The following ABLIM3 variants were observed in gnomAD, a reference collection of about 807,000 sequenced individuals.
ABLIM3 encodes actin binding LIM protein family member 3, also known as actin-binding LIM protein 3.
In ABLIM3, 61 loss-of-function variants were observed where a neutral mutation model predicts 109.5. That is an observed-to-expected ratio of 0.56 (90% CI 0.45 to 0.69). The LOEUF is 0.69. Ranked by LOEUF, ABLIM3 falls within the 30% of genes least tolerant of loss-of-function variation. The probability of loss-of-function intolerance (pLI) is 0.00; values close to 1 mark genes in which losing one functional copy is unlikely to be tolerated. For missense variants in ABLIM3, 796 were observed against 889.5 expected, an observed-to-expected ratio of 0.89 and a Z score of 1.34; for synonymous variants, 300 against 324.8, an observed-to-expected ratio of 0.92 and a Z score of 0.82.
At chr5:149,216,411 T>G (rs1265119936) in intron 7 of ABLIM3, 1 of 152,526 alleles carries the variant, frequency 6.6e-6, no homozygotes, top group East Asian at 1.9e-4. Context: ...CTGTTCTCAT[T>G]CTTTAAAAGG....
At chr5:149,217,907 G>A (rs1445112020) in intron 8 of ABLIM3, 1 of 152,008 alleles carries the variant, frequency 6.6e-6, no homozygotes, top group Admixed American at 6.5e-5. Context: ...TCCATGGTGA[G>A]GCTCACCCAG....
At chr5:149,207,818 G>A (rs547528000) in intron 6 of ABLIM3, among the ~76,000 whole-genome samples, 5 of 152,358 alleles carry the variant, frequency 3.3e-5, no homozygotes, top group African/African-American at 1.2e-4. Flanking sequence ...GGTGATGGGT[G>A]CATAGTTATC....
At chr5:149,157,625 C>T (rs1056041623) in intron 2 of ABLIM3, among the ~76,000 whole-genome samples, 1 of 149,914 alleles carries the variant, frequency 6.7e-6, no homozygotes, top group African/African-American at 2.5e-5. Context: ...CCAAGACAGG[C>T]CAATCAGAGT....
At chr5:149,217,189 G>A in intron 8 of ABLIM3, 143 bp downstream of exon 8, 1 of 765,510 alleles carries the variant, frequency 1.3e-6, no homozygotes, top group Non-Finnish European at 2.2e-6. Context: ...CAATTAATTG[G>A]CCCCTCTCTG....
rs1315653426 is a variant in ABLIM3 at position 149,236,521 on chromosome 5, G to A, written c.889-927G>A. On this transcript the variant is annotated intron_variant, in intron 10 of 23. Coordinates refer to ENST00000309868, the MANE Select transcript of ABLIM3 (RefSeq NM_014945.5). ...GGGAACAGCTGGAGGACATGGCCGTGGAAAAGGCATGGCTTCAGGGGCCAT... is the reference window on the plus strand; with the variant it reads ...GGGAACAGCTGGAGGACATGGCCGTAGAAAAGGCATGGCTTCAGGGGCCAT... 2.6e-5 allele frequency among the ~76,000 whole-genome samples: 4 copies of A among 152,084 alleles called. 1 individual carries two copies. The highest frequency in any genetic ancestry group is 5.9e-5 in the Non-Finnish European group (4 of 68,026).
At chr5:149,209,858 T>C (rs1438992839) in intron 6 of ABLIM3, among the ~76,000 whole-genome samples, 1 of 152,226 alleles carries the variant, frequency 6.6e-6, no homozygotes, top group Non-Finnish European at 1.5e-5. Context: ...AGGAAAATGC[T>C]GCCCAGGGTG....
At chr5:149,148,674 T>A (rs1477686316) in intron 2 of ABLIM3, among the ~76,000 whole-genome samples, 1 of 152,176 alleles carries the variant, frequency 6.6e-6, no homozygotes, top group Non-Finnish European at 1.5e-5. Context: ...GAAAGGAAAC[T>A]CCTCAGCAAG....
Position 149,198,389 on chromosome 5 carries a change from T to A in ABLIM3, c.322T>A (p.Cys108Ser). Residue 108 changes from cysteine (C) to serine (S), a missense_variant, in exon 4 of 24, where the codon TGC becomes AGC. Physicochemically the swap from Cys to Ser is moderately radical, Grantham distance 112. Transcript: ENST00000309868. This position sits in a 1 kb window ranked among gnomAD's most constrained non-coding sequence, Gnocchi z 4.2. ...CACTTACCACCCCAAGTGCTTCGTG[T>A]GCAGCTTGTGCAGGTGAGTGGGCGA... is the stretch of plus-strand genomic sequence containing the variant. ...GRTYHPKCFVCSLCRKPFPIG... is the reference protein window; with the variant it reads ...GRTYHPKCFVSSLCRKPFPIG... The A allele has an allele frequency of 1.2e-6, 2 of 1,610,376 alleles. No homozygotes were observed. Among genetic ancestry groups the A allele is most frequent in the Non-Finnish European group, 1.7e-6 (2 of 1,178,094 alleles).
chr5:149,210,482 G>A (rs994031875), intron 6 of ABLIM3, among the ~76,000 whole-genome samples: 10 of 152,194 alleles, frequency 6.6e-5, no homozygotes, highest in African/African-American at 1.2e-4. Context: ...ATCACTGTCC[G>A]CCAAGTGATA....
At chr5:149,206,058 C>T (rs1245056619) in intron 5 of ABLIM3, among the ~76,000 whole-genome samples, 1 of 152,242 alleles carries the variant, frequency 6.6e-6, no homozygotes, top group Admixed American at 6.5e-5. Flanking sequence ...CTCTGGTCAA[C>T]TTTGCCCCAT....
Position 149,237,551 on chromosome 5 carries a change from C to T in ABLIM3, c.992C>T (p.Pro331Leu), listed in dbSNP as rs368112588. The part of the protein sequence containing the change: ...VQRPDLISYE[P>L]HSRYMSDEML... Reference sequence around the variant, plus strand: ...CGCCCCGACCTCATTTCCTATGAGCCTCATTCCAGATACATGTCCGACGAG... The same window carrying T: ...CGCCCCGACCTCATTTCCTATGAGCTTCATTCCAGATACATGTCCGACGAG... Residue 331 changes from proline to leucine, a missense_variant, in exon 11 of 24, where the codon CCT becomes CTT. Pro to Leu is a moderately conservative substitution (Grantham distance 98). Coordinates refer to ENST00000309868, the MANE Select transcript of ABLIM3 (RefSeq NM_014945.5). 5.6e-6 allele frequency: 9 copies of T among 1,614,196 alleles called. No individual in the cohort carries two copies. Among genetic ancestry groups the T allele is most frequent in the Non-Finnish European group, 7.6e-6 (9 of 1,180,044 alleles).
chr5:149,158,964 G>C (rs1754084459), intron 2 of ABLIM3, among the ~76,000 whole-genome samples: 1 of 152,126 alleles, frequency 6.6e-6, no homozygotes, highest in Non-Finnish European at 1.5e-5. Flanking sequence ...ATGGAAAACT[G>C]ATACAGTTTT....
At chr5:149,159,240 C>T (rs1370921516) in intron 2 of ABLIM3, among the ~76,000 whole-genome samples, 2 of 152,148 alleles carry the variant, frequency 1.3e-5, no homozygotes, top group African/African-American at 4.8e-5. Context: ...ATGAATGAAT[C>T]TCAGAAACAT....
chr5:149,252,230 TG>T lies in ABLIM3; in HGVS notation c.1857+27del, dbSNP rs756212555. On this transcript the variant is annotated intron_variant, in intron 22 of 23. Coordinates refer to ENST00000309868, the MANE Select transcript of ABLIM3 (RefSeq NM_014945.5). ...CAAGGTAAAGGATGTGCATAGACCC[TG>T]GGGGTCTCCAGGATTCTTGGAGCCG... 21 of 1,611,638 alleles carry T rather than the reference TG, an allele frequency of 1.3e-5. No individual in the cohort carries two copies. The Admixed American group carries it at 3.4e-4, about 26-fold the overall frequency.
chr5:149,239,341 A>G, intron 12 of ABLIM3, 64 bp downstream of exon 12: 1 of 1,555,862 alleles, frequency 6.4e-7, no homozygotes, highest in East Asian at 2.2e-5. Flanking sequence ...GACTTCACCC[A>G]TCCCCAGCCC....
At chr5:149,258,190 C>T in intron 23 of ABLIM3, 101 bp from the exon 24 acceptor site, 1 of 982,188 alleles carries the variant, frequency 1.0e-6, no homozygotes, top group South Asian at 1.6e-5. Context: ...CCAGAGGGAA[C>T]ATGCAGCACC....
At position 149,225,918 on chromosome 5, in the gene ABLIM3, TATATAC is replaced by T. The variant is rs1463284100; in HGVS notation, c.758-4725_758-4720del. 2.2e-3 allele frequency among the ~76,000 whole-genome samples: 94 copies of T among 43,564 alleles called. 1 individual carries two copies. The highest frequency in any genetic ancestry group is 5.6e-3 in the East Asian group (4 of 720). 28.6% of individuals were successfully genotyped at this position (43,564 alleles called of 152,430 possible). A position where few individuals can be genotyped will look rare whatever the true frequency, so the allele number is the denominator to read the frequency against. On this transcript the variant is annotated intron_variant, in intron 8 of 23. Coordinates refer to ENST00000309868, the MANE Select transcript of ABLIM3 (RefSeq NM_014945.5). ...TTTATGGCTGAGTAGTATTCCATCA[TATATAC>T]ATATATATATATATATGTATGTATG...
intron 2 of ABLIM3, among the ~76,000 whole-genome samples, chr5:149,159,111 G>A (rs879824767): frequency 3.9e-5 from 6 of 152,076 alleles, no homozygotes; most frequent in African/African-American, 9.7e-5. Flanking sequence ...ATAATCCAAA[G>A]CTGGAAACAA....
At chr5:149,233,371 A>T in intron 10 of ABLIM3, 71 bp downstream of exon 10, 1 of 1,476,992 alleles carries the variant, frequency 6.8e-7, no homozygotes, top group South Asian at 1.1e-5. Context: ...GTCACTAAGG[A>T]TAAGGGAGCT....
Sources: gnomAD v4.1 joint callset for allele counts (sites outside exome capture counted in the v4.1 genomes callset) on GRCh38, gnomAD v4.1.1 for gene constraint, Gnocchi (gnomAD v3.1) non-coding constraint, MANE v1.5 for transcripts, NCBI Gene and HGNC (gene_info 2026-07-23, HGNC 2026-07-21) for gene names.